CSGALNACT1: variants seen among roughly 807,000 people sequenced by gnomAD.
CSGALNACT1 encodes chondroitin sulfate N-acetylgalactosaminyltransferase 1.
In CSGALNACT1, 52 loss-of-function variants were observed where a neutral mutation model predicts 51.0. The observed-to-expected ratio is 1.02, with a 90% confidence interval of 0.82 to 1.29. CSGALNACT1 has a LOEUF of 1.29. CSGALNACT1 is among the 50% of genes most tolerant of loss of function. The probability of loss-of-function intolerance (pLI) is 0.00; values close to 1 mark genes in which losing one functional copy is unlikely to be tolerated. For synonymous variants in CSGALNACT1, 341 were observed against 254.4 expected, an observed-to-expected ratio of 1.34 and a Z score of -3.24; for missense variants, 935 against 679.2, an observed-to-expected ratio of 1.38 and a Z score of -4.19.
intron 6 of CSGALNACT1, among the ~76,000 whole-genome samples, chr8:19,437,122 G>A (rs7832115): frequency 0.62 from 93,280 of 151,514 alleles, 29,979 homozygotes; most frequent in East Asian, 0.83. Context: ...TCATCAAATC[G>A]CGCACCAAGT....
intron 1 of CSGALNACT1, among the ~76,000 whole-genome samples, chr8:19,644,541 C>G (rs2057071126): frequency 6.6e-6 from 1 of 151,092 alleles, no homozygotes; most frequent in Admixed American, 6.6e-5. Flanking sequence ...AAAACCCCAT[C>G]TCTACTAAAA....
At chr8:19,495,096 C>T in intron 4 of CSGALNACT1, 1 of 152,218 alleles carries the variant, frequency 6.6e-6, no homozygotes, top group Non-Finnish European at 1.5e-5. Context: ...TAAGCAATCT[C>T]AATGGAAACA....
intron 1 of CSGALNACT1, among the ~76,000 whole-genome samples, chr8:19,639,881 GTT>G (rs978822655): frequency 2.6e-5 from 4 of 151,904 alleles, no homozygotes; most frequent in African/African-American, 9.6e-5. Flanking sequence ...GTTTTGTTTT[GTT>G]TTTGTTTGTT....
chr8:19,566,043 G>A (rs555269783), intron 3 of CSGALNACT1, among the ~76,000 whole-genome samples: 67 of 152,274 alleles, frequency 4.4e-4, no homozygotes, highest in Non-Finnish European at 7.6e-4. Context: ...TGGTGGCCTC[G>A]AAAAAGATGT....
chr8:19,463,571 C>A (rs1039325731), intron 4 of CSGALNACT1, among the ~76,000 whole-genome samples: 2 of 152,178 alleles, frequency 1.3e-5, no homozygotes, highest in Non-Finnish European at 2.9e-5. Context: ...AGCCAGTAAG[C>A]TGACACATGC....
At chr8:19,628,597 G>C (rs2054769074) in intron 1 of CSGALNACT1, among the ~76,000 whole-genome samples, 1 of 152,076 alleles carries the variant, frequency 6.6e-6, no homozygotes, top group Non-Finnish European at 1.5e-5. Context: ...AAGTAATAGA[G>C]GTAGGATTCA....
At chr8:19,514,508 T>TATATATATATAC (rs1467913759) in intron 3 of CSGALNACT1, among the ~76,000 whole-genome samples, 1 of 139,378 alleles carries the variant, frequency 7.2e-6, no homozygotes, top group Non-Finnish European at 1.5e-5. Flanking sequence ...TATATATATA[T>TATATATATATAC]ATACATGTAT....
intron 4 of CSGALNACT1, among the ~76,000 whole-genome samples, chr8:19,469,226 G>GA (rs1231361158): frequency 3.3e-5 from 5 of 151,990 alleles, no homozygotes; most frequent in Non-Finnish European, 7.4e-5. Flanking sequence ...CTTGTCTCTA[G>GA]AAAAAAATGT....
At chr8:19,481,481 C>G (rs967797184) in intron 4 of CSGALNACT1, among the ~76,000 whole-genome samples, 2 of 152,112 alleles carry the variant, frequency 1.3e-5, no homozygotes, top group Non-Finnish European at 2.9e-5. Context: ...ATAAAGATCA[C>G]AGGTCTTTAG....
rs1182625970 is a variant in CSGALNACT1, at chr8:19,502,870, C to CTCTGAAGCTA, written c.634+2321_634+2330dup. ...CAAATGTAATTCAGTCCAATCACCT[C>CTCTGAAGCTA]TCTGAAGCTAGGATCATCATTTATA... is the stretch of plus-strand genomic sequence containing the variant. On this transcript the variant is annotated intron_variant, in intron 4 of 9. Transcript: ENST00000454498. Among the ~76,000 whole-genome samples, 7 of 152,312 alleles carry CTCTGAAGCTA rather than the reference C, an allele frequency of 4.6e-5. No homozygotes were observed. In the East Asian group the frequency reaches 1.4e-3, roughly 29 times the overall value.
intron 9 of CSGALNACT1, 103 bp from the exon 9 acceptor site, chr8:19,406,172 A>C: frequency 7.4e-7 from 1 of 1,342,912 alleles, no homozygotes. Flanking sequence ...ACTGGGGGGG[A>C]TGCGTGCTTC....
intron 3 of CSGALNACT1, chr8:19,587,791 T>C (rs907211095): frequency 1.3e-5 from 2 of 152,240 alleles, no homozygotes; most frequent in Admixed American, 6.5e-5. Flanking sequence ...TTCTTCTTCT[T>C]GTTTCTCCTT....
At chr8:19,548,739 T>C (rs1282356249) in intron 3 of CSGALNACT1, among the ~76,000 whole-genome samples, 1 of 152,232 alleles carries the variant, frequency 6.6e-6, no homozygotes, top group African/African-American at 2.4e-5. Flanking sequence ...TGAGTCCAAA[T>C]GATCAAAAGA....
intron 1 of CSGALNACT1, among the ~76,000 whole-genome samples, chr8:19,704,474 T>C (rs1482305589): frequency 6.6e-6 from 1 of 152,210 alleles, no homozygotes; most frequent in Non-Finnish European, 1.5e-5. Flanking sequence ...ACATTGTTGA[T>C]AGGAGTGTAA....
chr8:19,637,839 GT>G (rs11461273), intron 1 of CSGALNACT1, among the ~76,000 whole-genome samples: 117 of 143,782 alleles, frequency 8.1e-4, no homozygotes, highest in East Asian at 3.7e-3. Context: ...AGCCTGACCA[GT>G]TTTTTTTTTT....
intron 5 of CSGALNACT1, 85 bp downstream of exon 4, chr8:19,458,341 G>T (rs531036322): frequency 9.0e-7 from 1 of 1,107,022 alleles, no homozygotes; most frequent in Non-Finnish European, 1.4e-6. Flanking sequence ...ACTCGGCAGG[G>T]GAAATGAAGG....
chr8:19,633,345 C>T (rs892737169), intron 1 of CSGALNACT1, among the ~76,000 whole-genome samples: 4 of 152,118 alleles, frequency 2.6e-5, no homozygotes, highest in Non-Finnish European at 5.9e-5. Context: ...CTCTCACCCA[C>T]ACTACAGACA....
At chr8:19,521,919 A>G (rs774901472) in intron 3 of CSGALNACT1, among the ~76,000 whole-genome samples, 21 of 152,220 alleles carry the variant, frequency 1.4e-4, no homozygotes, top group Non-Finnish European at 1.9e-4. Flanking sequence ...GCGTCGTGGT[A>G]AGACTTCATG....
At chr8:19,641,208 G>A (rs749552026) in intron 1 of CSGALNACT1, among the ~76,000 whole-genome samples, 9 of 137,094 alleles carry the variant, frequency 6.6e-5, no homozygotes, top group Non-Finnish European at 1.4e-4. Context: ...ACCTTCAAGT[G>A]TTCAAGCTTT....
Sources: gnomAD v4.1 joint callset for allele counts (sites outside exome capture counted in the v4.1 genomes callset) on GRCh38, gnomAD v4.1.1 for gene constraint, MANE v1.5 for transcripts, NCBI Gene and HGNC (gene_info 2026-07-23, HGNC 2026-07-21) for gene names.